Variants in GALNT2 observed in about 807,000 individuals in gnomAD.
GALNT2 encodes the protein UDP-GalNAc:polypeptide N-acetylgalactosaminyltransferase 2.
Under a neutral mutation model 81.4 loss-of-function variants are expected in GALNT2, and 31 were observed. That is an observed-to-expected ratio of 0.38 (90% CI 0.29 to 0.51). The LOEUF (loss-of-function observed/expected upper bound fraction) is 0.51. GALNT2 is among the 20% of genes least tolerant of loss of function. GALNT2 has a pLI of 0.87. For missense variants in GALNT2, 629 were observed against 765.7 expected, an observed-to-expected ratio of 0.82 and a Z score of 2.11; for synonymous variants, 303 against 287.4, an observed-to-expected ratio of 1.05 and a Z score of -0.55.
rs377120979 is a variant in GALNT2 at position 230,278,455 on chromosome 1, C to T, written c.1561-848C>T. ...AGGGGTATTTATGTTACTTGCTAAA[C>T]AGGGCTCCTCAGATTTCCTTCAGGC... is the stretch of plus-strand genomic sequence containing the variant. On this transcript the variant is annotated intron_variant, in intron 15 of 15. Transcript: ENST00000366672. Among the ~76,000 whole-genome samples, 173 of 152,224 alleles carry T rather than the reference C, an allele frequency of 1.1e-3. 1 individual carries two copies. The highest frequency in any genetic ancestry group is 3.9e-3 in the African/African-American group (163 of 41,514).
At chr1:230,227,594 T>G (rs1479675389) in intron 3 of GALNT2, among the ~76,000 whole-genome samples, 1 of 151,606 alleles carries the variant, frequency 6.6e-6, no homozygotes, top group Non-Finnish European at 1.5e-5. Flanking sequence ...GAGTTTGTTT[T>G]AGGAATGTAA....
intron 1 of GALNT2, among the ~76,000 whole-genome samples, chr1:230,157,936 C>G (rs1006681910): frequency 3.3e-5 from 5 of 152,088 alleles, no homozygotes; most frequent in Admixed American, 2.6e-4. Context: ...GCTCCCAGAT[C>G]TGGATACTAA....
intron 3 of GALNT2, among the ~76,000 whole-genome samples, chr1:230,208,857 G>C (rs571567001): frequency 1.6e-4 from 25 of 152,264 alleles, no homozygotes; most frequent in Non-Finnish European, 2.9e-4. Context: ...ATGGAAATGT[G>C]GGGGTGGAGG....
chr1:230,174,867 A>G (rs182643209), intron 1 of GALNT2, among the ~76,000 whole-genome samples: 1 of 151,868 alleles, frequency 6.6e-6, no homozygotes. Context: ...TGGTACACCC[A>G]CCACCGCTAG....
At chr1:230,270,708 G>A (rs1051778878) in intron 14 of GALNT2, among the ~76,000 whole-genome samples, 3 of 152,192 alleles carry the variant, frequency 2.0e-5, no homozygotes, top group Admixed American at 2.0e-4. Flanking sequence ...CTGAAAATAG[G>A]GCCTGGTGCT....
intron 3 of GALNT2, among the ~76,000 whole-genome samples, chr1:230,222,079 T>G (rs1191922385): frequency 3.4e-5 from 5 of 145,272 alleles, no homozygotes; most frequent in Non-Finnish European, 6.0e-5. Context: ...CAGGCTGGAG[T>G]GCAGTGGTGC....
intron 8 of GALNT2, among the ~76,000 whole-genome samples, chr1:230,246,593 G>A (rs1665378488): frequency 6.6e-6 from 1 of 152,112 alleles, no homozygotes; most frequent in African/African-American, 2.4e-5. Flanking sequence ...TTGCTCAGAT[G>A]GAGACCTGTG....
chr1:230,171,579 A>G (rs1312207327), intron 1 of GALNT2, among the ~76,000 whole-genome samples: 1 of 152,224 alleles, frequency 6.6e-6, no homozygotes, highest in African/African-American at 2.4e-5. Context: ...GACAACATAT[A>G]TTTCAGCAAG....
chr1:230,187,915 G>A (rs1341442085), intron 2 of GALNT2, among the ~76,000 whole-genome samples: 10 of 152,014 alleles, frequency 6.6e-5, no homozygotes, highest in African/African-American at 1.4e-4. Flanking sequence ...TTTGCTGGTA[G>A]GGCCTGGGGT....
intron 3 of GALNT2, among the ~76,000 whole-genome samples, chr1:230,234,589 A>G (rs1664968073): frequency 6.6e-6 from 1 of 152,212 alleles, no homozygotes; most frequent in Non-Finnish European, 1.5e-5. Flanking sequence ...CGGGGCATCA[A>G]CATCACCATT....
chr1:230,268,037 G>T (rs1413873687), intron 14 of GALNT2, among the ~76,000 whole-genome samples: 2 of 152,184 alleles, frequency 1.3e-5, no homozygotes, highest in African/African-American at 4.8e-5. Flanking sequence ...TTTGGGCTTT[G>T]TTCTTGAGAT....
chr1:230,200,433 G>A (rs542547419), intron 2 of GALNT2, among the ~76,000 whole-genome samples: 19 of 152,238 alleles, frequency 1.2e-4, no homozygotes, highest in Admixed American at 1.2e-3. Flanking sequence ...CATGGGTCAC[G>A]GGCCTGTGTG....
chr1:230,063,904 G>A (rs1180341122), upstream of GALNT2, among the ~76,000 whole-genome samples: 1 of 152,124 alleles, frequency 6.6e-6, no homozygotes, highest in African/African-American at 2.4e-5. Context: ...CTTATAAATT[G>A]TTATATCTGA....
intron 3 of GALNT2, among the ~76,000 whole-genome samples, chr1:230,217,797 C>T (rs1396540141): frequency 6.6e-6 from 1 of 152,222 alleles, no homozygotes; most frequent in Admixed American, 6.5e-5. Flanking sequence ...AAACTCCCTT[C>T]ATTAAGCCCT....
At chr1:230,166,244 A>G (rs1020965362) in intron 1 of GALNT2, among the ~76,000 whole-genome samples, 2 of 152,232 alleles carry the variant, frequency 1.3e-5, no homozygotes, top group African/African-American at 4.8e-5. Flanking sequence ...TAATGAGAAA[A>G]TGTACATTTT....
chr1:230,098,117 G>C (rs7519536), intron 1 of GALNT2, among the ~76,000 whole-genome samples: 65,630 of 151,982 alleles, frequency 0.43, 14,186 homozygotes, highest in South Asian at 0.53. Flanking sequence ...ACTCTTTTTA[G>C]CCCAGGTTTG....
At chr1:230,074,025 C>G (rs1272108683) in intron 1 of GALNT2, among the ~76,000 whole-genome samples, 1 of 151,888 alleles carries the variant, frequency 6.6e-6, no homozygotes, top group Non-Finnish European at 1.5e-5. Flanking sequence ...TGGGCAGGGA[C>G]AAGGGTACTT....
chr1:230,085,509 T>G (rs773324096), intron 1 of GALNT2, among the ~76,000 whole-genome samples: 3 of 152,220 alleles, frequency 2.0e-5, no homozygotes, highest in Non-Finnish European at 2.9e-5. Context: ...GCCATCCCTG[T>G]GTACAGGTTT....
At chr1:230,226,108 C>T (rs757116331) in intron 3 of GALNT2, among the ~76,000 whole-genome samples, 10 of 152,240 alleles carry the variant, frequency 6.6e-5, no homozygotes, top group Non-Finnish European at 1.2e-4. Flanking sequence ...GCGGTTGGCT[C>T]TAGCCTGGCT....
Sources: allele counts gnomAD v4.1 joint callset (sites outside exome capture counted in the v4.1 genomes callset), GRCh38; gene constraint gnomAD v4.1.1; transcripts MANE v1.5; gene names NCBI Gene and HGNC (gene_info 2026-07-23, HGNC 2026-07-21).